NFATC2: variants seen among roughly 807,000 people sequenced by gnomAD.
NFATC2 encodes the protein nuclear factor of activated T-cells, cytoplasmic 2.
NFATC2 carries 22 observed loss-of-function variants against 87.3 expected under a neutral mutation model. The observed-to-expected ratio is 0.25, with a 90% CI of 0.18 to 0.36. The LOEUF is 0.36. Among genes scored for constraint, NFATC2 ranks in the 10% least tolerant of loss-of-function variants. The pLI, the probability that NFATC2 is intolerant of heterozygous loss-of-function variation, is 1.00. For missense variants in NFATC2, 1,149 were observed against 1,259.1 expected (o/e 0.91, Z 1.32); for synonymous variants, 565 against 542.2 (o/e 1.04, Z -0.58).
In NFATC2 at chr20:51,408,511, TTAAAA is replaced by T. The variant is rs1184011859; in HGVS notation, c.2723-9786_2723-9782del. Among the ~76,000 whole-genome samples, 459 of 125,324 alleles carry T rather than the reference TTAAAA, an allele frequency of 3.7e-3. 4 individuals are homozygous for T. Among genetic ancestry groups the T allele is most frequent in the Non-Finnish European group, 5.7e-3 (359 of 62,718 alleles). The allele number at this position is 125,324 out of a possible 152,430, so 82.2% of individuals were successfully genotyped here. A position where few individuals can be genotyped will look rare whatever the true frequency, so the allele number is the denominator to read the frequency against. On this transcript the variant is annotated intron_variant, in intron 9 of 10. Coordinates refer to ENST00000371564, the MANE Select transcript of NFATC2 (RefSeq NM_012340.5). ...CCTGGGGGACTGAGCAAGACTCTTT[TTAAAA>T]AAAAAAAAAAAAAAAGCCAGAGCCC...
At chr20:51,471,915 G>A (rs1988240274) in intron 5 of NFATC2, among the ~76,000 whole-genome samples, 1 of 152,168 alleles carries the variant, frequency 6.6e-6, no homozygotes, top group South Asian at 2.1e-4. Context: ...CATGGCACAT[G>A]TTTACCTGTG....
intron 6 of NFATC2, among the ~76,000 whole-genome samples, chr20:51,441,644 G>A (rs775592450): frequency 6.7e-6 from 1 of 148,436 alleles, no homozygotes; most frequent in Admixed American, 6.7e-5. Flanking sequence ...TTGAACCGGG[G>A]AGGCGGAGGT....
chr20:51,421,416 G>A (rs761564199), intron 9 of NFATC2, among the ~76,000 whole-genome samples: 43 of 152,174 alleles, frequency 2.8e-4, no homozygotes, highest in Non-Finnish European at 6.2e-4. Context: ...TTCCGTAATG[G>A]GGGCACAATT....
At chr20:51,426,431 T>A (rs4257442) in intron 9 of NFATC2, among the ~76,000 whole-genome samples, 79,384 of 151,448 alleles carry the variant, frequency 0.52, 22,839 homozygotes, top group South Asian at 0.64. Context: ...CGAGCCAAGA[T>A]CATGCCACTG....
chr20:51,436,410 A>T (rs8125415), intron 6 of NFATC2, among the ~76,000 whole-genome samples: 98,200 of 139,168 alleles, frequency 0.71, 33,625 homozygotes, highest in Non-Finnish European at 0.76. Context: ...TTTTTTTTTT[A>T]AAAAGGCATT....
intron 10 of NFATC2, among the ~76,000 whole-genome samples, chr20:51,393,968 TGGTCCTGCTGATGGA>T (rs1986685331): frequency 7.5e-6 from 1 of 134,104 alleles, no homozygotes; most frequent in African/African-American, 3.3e-5. Flanking sequence ...TGGATGGAAA[TGGTCCTGCTGATGGA>T]AATGGTCCTG....
At chr20:51,454,059 C>T (rs963760436) in intron 6 of NFATC2, among the ~76,000 whole-genome samples, 6 of 152,112 alleles carry the variant, frequency 3.9e-5, no homozygotes, top group Admixed American at 1.3e-4. Flanking sequence ...ATTATAATTA[C>T]GTGACATGTA....
chr20:51,446,044 C>G (rs1471195220), intron 6 of NFATC2, among the ~76,000 whole-genome samples: 1 of 152,202 alleles, frequency 6.6e-6, no homozygotes, highest in South Asian at 2.1e-4. Flanking sequence ...CAGCCCTCCA[C>G]TGATGAACTC....
At chr20:51,464,181 C>G (rs1332729795) in intron 5 of NFATC2, among the ~76,000 whole-genome samples, 1 of 152,166 alleles carries the variant, frequency 6.6e-6, no homozygotes, top group Admixed American at 6.5e-5. Context: ...GCCTGCTTTA[C>G]AGAACTACGG....
intron 1 of NFATC2, among the ~76,000 whole-genome samples, chr20:51,553,907 T>C (rs2146837089): frequency 6.6e-6 from 1 of 152,214 alleles, no homozygotes; most frequent in African/African-American, 2.4e-5. Flanking sequence ...TCAATGTACC[T>C]GTCACCGTCG....
At chr20:51,399,630 ATTGGCTAGTTGGGG>A (rs750349269) in intron 9 of NFATC2, among the ~76,000 whole-genome samples, 2 of 152,246 alleles carry the variant, frequency 1.3e-5, no homozygotes, top group African/African-American at 2.4e-5. Flanking sequence ...TCCAACAGGA[ATTGGCTAGTTGGGG>A]TTGGCTACTG....
upstream of NFATC2, chr20:51,542,818 G>A: frequency 1.4e-6 from 1 of 738,926 alleles, no homozygotes. Context: ...GCCACCAGGG[G>A]ACCGGAGGGG....
At chr20:51,493,781 T>G (rs999274232) in intron 3 of NFATC2, among the ~76,000 whole-genome samples, 1 of 152,052 alleles carries the variant, frequency 6.6e-6, no homozygotes. Flanking sequence ...CTCAGCACCA[T>G]GTCCCCAGAG....
At chr20:51,426,856 G>C (rs1055097892) in intron 9 of NFATC2, among the ~76,000 whole-genome samples, 2 of 121,318 alleles carry the variant, frequency 1.6e-5, no homozygotes, top group African/African-American at 2.6e-5. Flanking sequence ...GCCCGCTTGT[G>C]AAATATACAG....
intron 9 of NFATC2, among the ~76,000 whole-genome samples, chr20:51,414,798 C>A (rs1979808420): frequency 6.6e-6 from 1 of 152,184 alleles, no homozygotes; most frequent in African/African-American, 2.4e-5. Context: ...TCATCCTCCC[C>A]TCACAGCTGA....
intron 9 of NFATC2, among the ~76,000 whole-genome samples, chr20:51,429,266 C>A (rs1404937763): frequency 2.0e-5 from 3 of 152,228 alleles, no homozygotes; most frequent in Non-Finnish European, 4.4e-5. Context: ...TGCCACTGGG[C>A]ACGAGCCACC....
At chr20:51,469,805 G>T (rs1170470443) in intron 5 of NFATC2, among the ~76,000 whole-genome samples, 1 of 152,206 alleles carries the variant, frequency 6.6e-6, no homozygotes, top group Non-Finnish European at 1.5e-5. Context: ...GATGGCACCG[G>T]CGGTTTCTCC....
At position 51,523,749 on chromosome 20, in the gene NFATC2, C is replaced by T. The variant is rs756149890; in HGVS notation, c.492G>A (p.Pro164=). Residue 164 remains proline, a synonymous_variant, in exon 2 of 11, where the codon CCG becomes CCA. Coordinates refer to ENST00000371564, the MANE Select transcript of NFATC2 (RefSeq NM_012340.5). This position sits in a 1 kb window ranked among gnomAD's most constrained non-coding sequence, Gnocchi z 6.9. The stretch of plus-strand genomic sequence containing the variant: ...CGCTGCTAGCGGGGCTCAAGCAAAG[C>T]GGCTCGCGGTAGCCCTCGAAGCCGG... The part of the protein sequence containing the change: ...PVPGFEGYRE[P]LCLSPASSGS... 3.0e-5 allele frequency: 48 copies of T among 1,610,848 alleles called. No homozygotes were observed. The highest frequency in any genetic ancestry group is 1.7e-4 in the Middle Eastern group (1 of 6,060).
chr20:51,429,143 C>T (rs1038341905), intron 9 of NFATC2, among the ~76,000 whole-genome samples: 4 of 152,206 alleles, frequency 2.6e-5, no homozygotes, highest in South Asian at 4.1e-4. Flanking sequence ...CACGGATGCA[C>T]GGGCTACACA....
Sources: gnomAD v4.1 joint callset for allele counts (sites outside exome capture counted in the v4.1 genomes callset) on GRCh38, gnomAD v4.1.1 for gene constraint, Gnocchi (gnomAD v3.1) non-coding constraint, MANE v1.5 for transcripts, NCBI Gene and HGNC (gene_info 2026-07-23, HGNC 2026-07-21) for gene names.